ATP2C1: variants seen among roughly 807,000 people sequenced by gnomAD.
ATP2C1 encodes ATPase secretory pathway Ca2+ transporting 1.
In ATP2C1, 31 loss-of-function variants were observed where a neutral mutation model predicts 120.5. The ratio of observed to expected loss-of-function variants is 0.26; its 90% CI spans 0.19 to 0.35. The LOEUF is 0.35. ATP2C1 is among the 10% of genes least tolerant of loss of function. The pLI, the probability that ATP2C1 is intolerant of heterozygous loss-of-function variation, is 1.00. For missense variants in ATP2C1, 731 were observed against 1,107.5 expected (o/e 0.66, Z 4.83); for synonymous variants, 351 against 358.7 (o/e 0.98, Z 0.24).
intron 2 of ATP2C1, among the ~76,000 whole-genome samples, chr3:130,897,473 G>C (rs1168399322): frequency 6.6e-6 from 1 of 152,216 alleles, no homozygotes; most frequent in Non-Finnish European, 1.5e-5. Context: ...TTGACATACA[G>C]TTAACTTGGA....
chr3:130,850,698 T>C, exon 1 of ATP2C1: 2 of 490,398 alleles, frequency 4.1e-6, no homozygotes, highest in Non-Finnish European at 3.5e-6. Flanking sequence ...TTTGCTTTGT[T>C]TGTAGGAGGG....
At chr3:130,937,975 C>T (rs2059741343) in intron 6 of ATP2C1, among the ~76,000 whole-genome samples, 1 of 152,212 alleles carries the variant, frequency 6.6e-6, no homozygotes, top group Non-Finnish European at 1.5e-5. Flanking sequence ...CTGAATTTAT[C>T]ACTTAACCTT....
chr3:130,853,443 G>A (rs2067739567), intron 1 of ATP2C1, among the ~76,000 whole-genome samples: 2 of 152,252 alleles, frequency 1.3e-5, no homozygotes, highest in African/African-American at 2.4e-5. Context: ...ACCTCACTTA[G>A]CGCTGCTAAG....
In ATP2C1 at chr3:130,894,166, C is replaced by CCAAAAACCCCCCA; in HGVS notation, c.-352_-351insCAAAAACCCCCCA. The CCAAAAACCCCCCA allele has an allele frequency of 1.2e-6, 1 of 863,316 alleles. No homozygotes were observed. Among genetic ancestry groups the CCAAAAACCCCCCA allele is most frequent in the Non-Finnish European group, 1.4e-6 (1 of 718,560 alleles). 53.5% of individuals were successfully genotyped at this position (863,316 alleles called of 1,614,324 possible). A position where few individuals can be genotyped will look rare whatever the true frequency, so the allele number is the denominator to read the frequency against. ...CTCTTCTCTCCCCTCCCCGCCCGCCCTCTCTCCCTCCCTTCCTCCCTCCCG... is the reference window on the plus strand; with the variant it reads ...CTCTTCTCTCCCCTCCCCGCCCGCCCCAAAAACCCCCCATCTCTCCCTCCCTTCCTCCCTCCCG... On this transcript the variant is annotated 5_prime_UTR_variant, in exon 1 of 28. Transcript: ENST00000510168. The surrounding 1 kb of genome is among the most constrained non-coding windows in gnomAD (Gnocchi z 4.5).
chr3:130,957,267 G>A (rs2060622392), intron 11 of ATP2C1, among the ~76,000 whole-genome samples: 1 of 152,088 alleles, frequency 6.6e-6, no homozygotes, highest in Admixed American at 6.6e-5. Flanking sequence ...CCAACCTCAT[G>A]TTTATAAGAA....
chr3:130,996,587 G>GTA, intron 23 of ATP2C1, 93 bp from the exon 24 acceptor site: 1 of 864,620 alleles, frequency 1.2e-6, no homozygotes, highest in South Asian at 1.3e-5. Flanking sequence ...TAAAAGCATA[G>GTA]TAGTAAGAGA....
chr3:130,984,070 T>G (rs2061890441), intron 20 of ATP2C1, among the ~76,000 whole-genome samples: 1 of 152,178 alleles, frequency 6.6e-6, no homozygotes, highest in Non-Finnish European at 1.5e-5. Context: ...TATATTTAGT[T>G]TTTTAAGAAA....
At chr3:130,998,430 A>G in intron 26 of ATP2C1, 41 bp downstream of exon 26, 1 of 1,418,824 alleles carries the variant, frequency 7.0e-7, no homozygotes, top group Non-Finnish European at 1.0e-6. Context: ...TGATTGACTC[A>G]CTTGAGTAGA....
rs564118705 is a variant in ATP2C1, at chr3:130,959,748, G to T, written c.899+407G>T. On this transcript the variant is annotated intron_variant, in intron 12 of 27. Coordinates refer to ENST00000510168, the MANE Select transcript of ATP2C1 (RefSeq NM_001378687.1). ...GTTTGTATTTTCAGAGACTTGTGAA[G>T]AAACTGCATCCATGAGATAAATTGT... Among the ~76,000 whole-genome samples, 3 of 152,090 alleles carry T rather than the reference G, an allele frequency of 2.0e-5. No homozygotes were observed. In the South Asian group the frequency reaches 6.2e-4, roughly 32 times the overall value.
At chr3:130,964,153 A>T (rs911811530) in intron 13 of ATP2C1, 58 bp downstream of exon 13, 31 of 1,598,290 alleles carry the variant, frequency 1.9e-5, no homozygotes, top group Middle Eastern at 3.3e-4. Context: ...GTCAATAGTG[A>T]ATCATCTCAG....
At chr3:130,902,291 TTTTTTG>T (rs2057883584) in intron 2 of ATP2C1, among the ~76,000 whole-genome samples, 22 of 59,934 alleles carry the variant, frequency 3.7e-4, no homozygotes, top group African/African-American at 1.4e-3. Context: ...CACGTTTTTT[TTTTTTG>T]TTTTTTTTTT....
At chr3:130,936,238 G>A (rs1332069158) in intron 5 of ATP2C1, among the ~76,000 whole-genome samples, 1 of 151,938 alleles carries the variant, frequency 6.6e-6, no homozygotes, top group Non-Finnish European at 1.5e-5. Context: ...TACGAAATGT[G>A]GTAACCTTGG....
intron 23 of ATP2C1, chr3:130,996,329 A>T: frequency 1.7e-6 from 1 of 592,152 alleles, no homozygotes. Context: ...ATCAAAATGT[A>T]TAAATCTTTG....
In ATP2C1 at chr3:131,012,369, C is replaced by T. The variant is rs536228941; in HGVS notation, c.2630-3783C>T. 5.9e-5 allele frequency among the ~76,000 whole-genome samples: 9 copies of T among 151,508 alleles called. No individual in the cohort carries two copies. In the East Asian group the frequency reaches 1.2e-3, roughly 20 times the overall value. On this transcript the variant is annotated intron_variant, in intron 26 of 26. Transcript: ENST00000328560. ...GTCTCCCGGGTTCAAGCAGTTCTCC[C>T]GCCTCAGCCTCCTGAGTAGCTGGGA... is the stretch of plus-strand genomic sequence containing the variant.
At chr3:130,946,214 G>A (rs1464805254) in intron 8 of ATP2C1, among the ~76,000 whole-genome samples, 1 of 152,208 alleles carries the variant, frequency 6.6e-6, no homozygotes, top group Non-Finnish European at 1.5e-5. Flanking sequence ...GGGCAGAAAG[G>A]TTAGTTCTAT....
intron 12 of ATP2C1, among the ~76,000 whole-genome samples, chr3:130,962,082 G>T (rs1216125953): frequency 6.6e-6 from 1 of 152,014 alleles, no homozygotes; most frequent in South Asian, 2.1e-4. Flanking sequence ...TTAGCTAAAC[G>T]AATGCATGAC....
intron 3 of ATP2C1, 108 bp from the exon 4 acceptor site, chr3:130,931,914 A>G (rs2059467720): frequency 9.3e-6 from 7 of 750,094 alleles, no homozygotes; most frequent in Non-Finnish European, 1.6e-5. Context: ...ACTAGTTTTG[A>G]CTGTTGTAGT....
intron 4 of ATP2C1, among the ~76,000 whole-genome samples, chr3:130,933,024 A>T (rs1268294203): frequency 1.3e-5 from 2 of 152,210 alleles, no homozygotes; most frequent in African/African-American, 4.8e-5. Context: ...TACTTACCAC[A>T]TTCCCACATT....
intron 6 of ATP2C1, among the ~76,000 whole-genome samples, chr3:130,938,147 C>A (rs534189427): frequency 6.6e-6 from 1 of 152,176 alleles, no homozygotes; most frequent in South Asian, 2.1e-4. Context: ...TGTAAAGTAG[C>A]CCCTTTTAAA....
Sources: allele counts gnomAD v4.1 joint callset (sites outside exome capture counted in the v4.1 genomes callset), GRCh38; gene constraint gnomAD v4.1.1; non-coding constraint Gnocchi (gnomAD v3.1); transcripts MANE v1.5; gene names NCBI Gene and HGNC (gene_info 2026-07-23, HGNC 2026-07-21).